The following SEC62 variants were observed in gnomAD, a reference collection of about 807,000 sequenced individuals.
The protein encoded by SEC62 is SEC62 preprotein translocation factor, also known as translocation protein SEC62.
Under a neutral mutation model 47.5 loss-of-function variants are expected in SEC62, and 10 were observed. That is an observed-to-expected ratio of 0.21 (90% CI 0.13 to 0.36). The LOEUF is 0.36. Ranked by LOEUF, SEC62 falls within the 10% of genes least tolerant of loss-of-function variation. SEC62 has a pLI of 1.00. For missense variants in SEC62, 327 were observed against 464.1 expected, an observed-to-expected ratio of 0.70 and a Z score of 2.71; for synonymous variants, 136 against 150.5, an observed-to-expected ratio of 0.90 and a Z score of 0.71.
At chr3:169,991,538 C>T (rs989471868) in intron 7 of SEC62, among the ~76,000 whole-genome samples, 2 of 152,000 alleles carry the variant, frequency 1.3e-5, no homozygotes, top group African/African-American at 2.4e-5. Context: ...CTTGGCAAGA[C>T]CCCATCTCTA....
At position 169,992,943 on chromosome 3, in the gene SEC62, A is replaced by T. The variant is rs757696078; in HGVS notation, c.1080A>T (p.Gly360=). 6.2e-7 allele frequency: 1 copy of T among 1,614,088 alleles called. No homozygotes were observed. Among genetic ancestry groups the T allele is most frequent in the Non-Finnish European group, 8.5e-7 (1 of 1,179,990 alleles). The change falls in exon 8 of 8, where the codon GGA becomes GGT. Residue 360 remains glycine (G), a synonymous_variant. Coordinates refer to ENST00000337002, the MANE Select transcript of SEC62 (RefSeq NM_003262.4). The surrounding 1 kb of genome is among the most constrained non-coding windows in gnomAD (Gnocchi z 4.0). ...DDRSQHSSGN[G]NDFEMITKEE... ...GATCCCAGCACAGTAGTGGAAATGG[A>T]AATGATTTTGAAATGATAACAAAAG...
At chr3:169,976,800 TC>T in intron 2 of SEC62, 145 bp from the exon 3 acceptor site, 1 of 473,878 alleles carries the variant, frequency 2.1e-6, no homozygotes, top group Non-Finnish European at 3.7e-6. Flanking sequence ...GAACTACTAA[TC>T]ATGATCATGT....
chr3:169,976,396 G>A (rs1219774935), intron 2 of SEC62, among the ~76,000 whole-genome samples: 4 of 152,084 alleles, frequency 2.6e-5, no homozygotes, highest in South Asian at 2.1e-4. Flanking sequence ...TAAATTGCCA[G>A]TGTAGAGGAA....
chr3:169,976,506 T>C (rs547504036), intron 2 of SEC62, among the ~76,000 whole-genome samples: 1 of 152,366 alleles, frequency 6.6e-6, no homozygotes, highest in South Asian at 2.1e-4. Flanking sequence ...ATAATATGTT[T>C]AGCTGTTTCT....
rs1715383469 is a variant in SEC62 at position 169,996,644 on chromosome 3, A to G, written c.*3581A>G. On this transcript the variant is annotated 3_prime_UTR_variant, in exon 8 of 8. Coordinates refer to ENST00000337002, the MANE Select transcript of SEC62 (RefSeq NM_003262.4). ...AAGGAGTGTCCTGGCCAGAGATCAG[A>G]GGATGGTAGGGTGCCTATTCTCGGC... The G allele has an allele frequency of 6.6e-6, 1 of 152,192 alleles. No homozygotes were observed. The highest frequency in any genetic ancestry group is 2.4e-5 in the African/African-American group (1 of 41,412). 9.4% of individuals were successfully genotyped at this position (152,192 alleles called of 1,614,324 possible).
At chr3:169,978,691 A>C (rs189028611) in intron 3 of SEC62, 2 of 152,370 alleles carry the variant, frequency 1.3e-5, no homozygotes, top group Non-Finnish European at 1.5e-5. Context: ...GCACCACTGC[A>C]CTCCAACCTG....
At chr3:169,975,883 T>C (rs997365179) in intron 2 of SEC62, among the ~76,000 whole-genome samples, 167 bp downstream of exon 2, 2 of 152,236 alleles carry the variant, frequency 1.3e-5, no homozygotes, top group Admixed American at 6.5e-5. Context: ...AAAATGTCTA[T>C]AATAAAAAGA....
intron 1 of SEC62, among the ~76,000 whole-genome samples, chr3:169,972,685 C>T (rs1343157245): frequency 6.6e-6 from 1 of 151,594 alleles, no homozygotes; most frequent in Non-Finnish European, 1.5e-5. Flanking sequence ...GCCTCAGCCA[C>T]CCAAAGTACT....
intron 1 of SEC62, among the ~76,000 whole-genome samples, chr3:169,974,424 C>T (rs531728023): frequency 2.0e-5 from 3 of 152,156 alleles, no homozygotes; most frequent in African/African-American, 7.2e-5. Context: ...TCATTTTCTT[C>T]AGTACGTGAG....
At chr3:169,982,486 T>C (rs1045424501) in intron 3 of SEC62, among the ~76,000 whole-genome samples, 3 of 152,178 alleles carry the variant, frequency 2.0e-5, no homozygotes, top group Admixed American at 2.0e-4. Context: ...GTGAAAATTA[T>C]ATTGAATATC....
At chr3:169,977,109 C>T in intron 3 of SEC62, 58 bp downstream of exon 3, 1 of 1,154,878 alleles carries the variant, frequency 8.7e-7, no homozygotes. Context: ...CTTCATAGTC[C>T]TGAAGCTCCT....
At chr3:169,984,816 AAG>A (rs1341563084) in intron 5 of SEC62, among the ~76,000 whole-genome samples, 1 of 152,186 alleles carries the variant, frequency 6.6e-6, no homozygotes, top group Non-Finnish European at 1.5e-5. Context: ...ATATAGAAAT[AAG>A]AGGGAAGAGT....
chr3:169,969,167 G>A, intron 1 of SEC62: 2 of 352,640 alleles, frequency 5.7e-6, no homozygotes, highest in South Asian at 4.4e-5. Context: ...TAGAAAGATG[G>A]TTAATAGATT....
rs768540887 is a variant in SEC62 at position 169,992,193 on chromosome 3, C to T, written c.731-401C>T. Reference sequence around the variant, plus strand: ...GCATAATATCACAAAGTACATAAATCAGAAGTGTATATCCATGTAAGTGTA... The same window carrying T: ...GCATAATATCACAAAGTACATAAATTAGAAGTGTATATCCATGTAAGTGTA... On this transcript the variant is annotated intron_variant, in intron 7 of 7. Transcript: ENST00000337002. The surrounding 1 kb of genome is among the most constrained non-coding windows in gnomAD (Gnocchi z 4.0). Among the ~76,000 whole-genome samples the T allele has an allele frequency of 6.6e-6, 1 of 152,088 alleles. No homozygotes were observed. The highest frequency in any genetic ancestry group is 2.4e-5 in the African/African-American group (1 of 41,402).
At chr3:169,977,138 G>GAT in intron 3 of SEC62, 87 bp downstream of exon 3, 1 of 793,026 alleles carries the variant, frequency 1.3e-6, no homozygotes, top group Non-Finnish European at 2.0e-6. Context: ...TAAATGTAGT[G>GAT]ATACTACAAC....
rs1348166971 is a variant in SEC62 at position 169,996,205 on chromosome 3, T to C, written c.*3142T>C. On this transcript the variant is annotated 3_prime_UTR_variant, in exon 8 of 8. Coordinates refer to ENST00000337002, the MANE Select transcript of SEC62 (RefSeq NM_003262.4). ...ATAACGAGGATCAACTGTACTTAAC[T>C]ATATTTTAAAGCTGTGACATTTATC... is the stretch of plus-strand genomic sequence containing the variant. The C allele has an allele frequency of 1.3e-5, 2 of 152,570 alleles. No homozygotes were observed. The highest frequency in any genetic ancestry group is 4.8e-5 in the African/African-American group (2 of 41,474). 9.5% of individuals were successfully genotyped at this position (152,570 alleles called of 1,614,324 possible).
At chr3:169,985,998 C>A in intron 6 of SEC62, 133 bp downstream of exon 6, 3 of 574,190 alleles carry the variant, frequency 5.2e-6, no homozygotes, top group South Asian at 5.5e-5. Flanking sequence ...TAAATAAAGT[C>A]AGAAGATAAA....
intron 7 of SEC62, among the ~76,000 whole-genome samples, chr3:169,989,976 AATATATATGATATATAG>A (rs1483802523): frequency 6.8e-6 from 1 of 147,220 alleles, no homozygotes; most frequent in African/African-American, 2.5e-5. Flanking sequence ...ATTATATATG[AATATATATGATATATAG>A]ATATATGATA....
At chr3:169,991,880 A>G (rs928115804) in intron 7 of SEC62, among the ~76,000 whole-genome samples, 5 of 152,236 alleles carry the variant, frequency 3.3e-5, no homozygotes, top group Non-Finnish European at 7.3e-5. Flanking sequence ...GTAGTAATGT[A>G]TATACATGTA....
Sources: allele counts gnomAD v4.1 joint callset (sites outside exome capture counted in the v4.1 genomes callset), GRCh38; gene constraint gnomAD v4.1.1; non-coding constraint Gnocchi (gnomAD v3.1); transcripts MANE v1.5; gene names NCBI Gene and HGNC (gene_info 2026-07-23, HGNC 2026-07-21).